Variants in KCNJ1 observed in about 807,000 individuals in gnomAD.
KCNJ1 encodes ATP-sensitive inward rectifier potassium channel 1.
In KCNJ1, 24 loss-of-function variants were observed where a neutral mutation model predicts 21.9. The observed-to-expected ratio is 1.10, with a 90% CI of 0.79 to 1.54. The LOEUF (loss-of-function observed/expected upper bound fraction) is 1.54, where lower values mean the gene tolerates loss of function less well. Among genes scored for constraint, KCNJ1 ranks in the 40% most tolerant of loss-of-function variants. The pLI, the probability that KCNJ1 is intolerant of heterozygous loss-of-function variation, is 0.00. For missense variants in KCNJ1, 457 were observed against 455.4 expected (o/e 1.00, Z -0.03); for synonymous variants, 152 against 160.9 (o/e 0.94, Z 0.42).
rs1943202914 is a variant in KCNJ1 at position 128,838,248 on chromosome 11, TG to T, written c.*876del. ...GAAAGACATAGTAACATTCTGACTG[TG>T]GGGCTCCATCCCATTCCTCTCTCTT... On this transcript the variant is annotated 3_prime_UTR_variant, in exon 3 of 3. Transcript: ENST00000392666. 6.6e-6 allele frequency: 1 copy of T among 152,610 alleles called. No homozygotes were observed. Among genetic ancestry groups the T allele is most frequent in the Non-Finnish European group, 1.5e-5 (1 of 68,046 alleles). The allele number at this position is 152,610 out of a possible 1,614,324, so 9.5% of individuals were successfully genotyped here.
chr11:128,844,624 G>A (rs924572246), intron 2 of KCNJ1, among the ~76,000 whole-genome samples: 1 of 152,084 alleles, frequency 6.6e-6, no homozygotes, highest in Non-Finnish European at 1.5e-5. Context: ...ACAGTTTGTG[G>A]TCCTTACTGA....
Position 128,847,082 on chromosome 11 carries a change from TAAG to T in KCNJ1, c.-22+3636_-22+3638del, listed in dbSNP as rs140763720. On this transcript the variant is annotated intron_variant, in intron 2 of 2. Transcript: ENST00000392666. ...CATGTCAGTCTTCTCACCTAGATAA[TAAG>T]AATTATCAACATATTTGATCATAGA... Among the ~76,000 whole-genome samples, 984 of 152,274 alleles carry T rather than the reference TAAG, an allele frequency of 6.5e-3. 3 individuals are homozygous for T. Among genetic ancestry groups the T allele is most frequent in the African/African-American group, 0.022 (914 of 41,532 alleles).
chr11:128,863,101 C>T (rs914067878), intron 1 of KCNJ1, among the ~76,000 whole-genome samples: 2 of 152,238 alleles, frequency 1.3e-5, no homozygotes, highest in Admixed American at 6.5e-5. Context: ...CGGGTAGTCA[C>T]CTGAGAGAAC....
intron 1 of KCNJ1, among the ~76,000 whole-genome samples, chr11:128,854,939 C>T (rs889593867): frequency 2.0e-5 from 3 of 152,128 alleles, no homozygotes; most frequent in South Asian, 2.1e-4. Context: ...CTAGCTGGAG[C>T]GCACGTGCAG....
At chr11:128,842,488 C>T (rs1943300212) in intron 2 of KCNJ1, 1 of 1,611,296 alleles carries the variant, frequency 6.2e-7, no homozygotes, top group Admixed American at 1.7e-5. Context: ...TTAGACTCAG[C>T]CTAATTTATT....
intron 1 of KCNJ1, among the ~76,000 whole-genome samples, chr11:128,856,845 T>A (rs984346676): frequency 6.6e-6 from 1 of 152,010 alleles, no homozygotes; most frequent in Non-Finnish European, 1.5e-5. Context: ...CCACCATAAT[T>A]CCTTGGTTGG....
At chr11:128,855,433 G>C (rs535259830) in intron 1 of KCNJ1, among the ~76,000 whole-genome samples, 2 of 152,192 alleles carry the variant, frequency 1.3e-5, no homozygotes, top group Non-Finnish European at 1.5e-5. Context: ...TAACCAAAAT[G>C]CTGGCTCCCT....
intron 2 of KCNJ1, among the ~76,000 whole-genome samples, chr11:128,840,593 G>C (rs1441550551): frequency 6.6e-6 from 1 of 152,088 alleles, no homozygotes; most frequent in Non-Finnish European, 1.5e-5. Context: ...AACCAATTAT[G>C]ACCTGTATTT....
intron 1 of KCNJ1, among the ~76,000 whole-genome samples, chr11:128,865,235 CT>C (rs1394208247): frequency 1.3e-5 from 2 of 152,062 alleles, no homozygotes; most frequent in Admixed American, 1.3e-4. Flanking sequence ...GTATGATGTA[CT>C]TTTCTGTGCA....
intron 1 of KCNJ1, among the ~76,000 whole-genome samples, chr11:128,860,154 T>C (rs1943677291): frequency 6.6e-6 from 1 of 152,250 alleles, no homozygotes; most frequent in Non-Finnish European, 1.5e-5. Context: ...ATCTGTCAGA[T>C]GACAATGATG....
chr11:128,858,693 C>T (rs564228992), intron 1 of KCNJ1, among the ~76,000 whole-genome samples: 2 of 152,292 alleles, frequency 1.3e-5, no homozygotes, highest in African/African-American at 4.8e-5. Flanking sequence ...CAGTAGTTTA[C>T]GGAGCGTCTA....
chr11:128,864,573 C>G lies in KCNJ1; in HGVS notation c.-192+2600G>C, dbSNP rs1014904413. 4.6e-5 allele frequency among the ~76,000 whole-genome samples: 7 copies of G among 152,258 alleles called. No homozygotes were observed. In the South Asian group the frequency reaches 1.2e-3, roughly 27 times the overall value. The stretch of plus-strand genomic sequence containing the variant: ...ATTTCACAGCAGTACTAATACTATT[C>G]CTGAACCATATATATTTCAGGAGAA... On this transcript the variant is annotated intron_variant, in intron 1 of 2. Transcript: ENST00000392666.
Position 128,838,022 on chromosome 11 carries a change from C to T in KCNJ1, c.*1103G>A, listed in dbSNP as rs1170494977. The T allele has an allele frequency of 2.0e-5, 3 of 152,326 alleles. No individual in the cohort carries two copies. The highest frequency in any genetic ancestry group is 2.9e-5 in the Non-Finnish European group (2 of 68,044). 9.4% of individuals were successfully genotyped at this position (152,326 alleles called of 1,614,324 possible). A position where few individuals can be genotyped will look rare whatever the true frequency, so the allele number is the denominator to read the frequency against. On this transcript the variant is annotated 3_prime_UTR_variant, in exon 3 of 3. Transcript: ENST00000392666. ...AATAATAATAATCAAAGTGCATGCACAGTTTCAGAAATTTACTATATTAAT... is the reference window on the plus strand; with the variant it reads ...AATAATAATAATCAAAGTGCATGCATAGTTTCAGAAATTTACTATATTAAT...
intron 1 of KCNJ1, among the ~76,000 whole-genome samples, chr11:128,864,575 T>C (rs1300904544): frequency 6.6e-6 from 1 of 152,216 alleles, no homozygotes; most frequent in Non-Finnish European, 1.5e-5. Flanking sequence ...ATACTATTCC[T>C]GAACCATATA....
chr11:128,858,452 T>G (rs1003993993), intron 1 of KCNJ1, among the ~76,000 whole-genome samples: 5 of 152,050 alleles, frequency 3.3e-5, no homozygotes, highest in Admixed American at 1.3e-4. Flanking sequence ...TAGGGTTTGT[T>G]GAAGGAGTGA....
In KCNJ1 at chr11:128,839,118, G is replaced by T. The variant is rs768896374; in HGVS notation, c.*7C>A. 7 of 1,612,318 alleles carry T rather than the reference G, an allele frequency of 4.3e-6. No individual in the cohort carries two copies. Among genetic ancestry groups the T allele is most frequent in the Non-Finnish European group, 5.9e-6 (7 of 1,179,600 alleles). ...GACTTTGCTTTACTCCCGTTGAAAA[G>T]CCACTGTTACATTTTGGTGTCATCT... On this transcript the variant is annotated 3_prime_UTR_variant, in exon 3 of 3. Transcript: ENST00000392666.
intron 1 of KCNJ1, among the ~76,000 whole-genome samples, chr11:128,855,876 T>A (rs999647545): frequency 2.0e-5 from 3 of 152,184 alleles, no homozygotes; most frequent in African/African-American, 7.2e-5. Flanking sequence ...CAGTTTTAAC[T>A]CCCAGGTCTG....
At chr11:128,857,936 T>G (rs1943617949) in intron 1 of KCNJ1, among the ~76,000 whole-genome samples, 2 of 152,190 alleles carry the variant, frequency 1.3e-5, no homozygotes, top group African/African-American at 4.8e-5. Flanking sequence ...ATTTACATTT[T>G]TAAAAACTAC....
At chr11:128,862,983 C>A (rs1344441045) in intron 1 of KCNJ1, among the ~76,000 whole-genome samples, 1 of 152,210 alleles carries the variant, frequency 6.6e-6, no homozygotes, top group African/African-American at 2.4e-5. Context: ...CAGTTATTCA[C>A]AGTTGCTGAG....
Sources: allele counts gnomAD v4.1 joint callset (sites outside exome capture counted in the v4.1 genomes callset), GRCh38; gene constraint gnomAD v4.1.1; transcripts MANE v1.5; gene names NCBI Gene and HGNC (gene_info 2026-07-23, HGNC 2026-07-21).